The following COLEC10 variants were observed in gnomAD, a reference collection of about 807,000 sequenced individuals.
COLEC10 encodes the protein collectin-10.
COLEC10 carries 22 observed loss-of-function variants against 28.4 expected under a neutral mutation model. The ratio of observed to expected loss-of-function variants is 0.78; its 90% CI spans 0.55 to 1.11. The LOEUF (loss-of-function observed/expected upper bound fraction) is 1.11, where lower values mean the gene tolerates loss of function less well. Ranked by LOEUF, COLEC10 falls within the 50% of genes least tolerant of loss-of-function variation. The pLI, the probability that COLEC10 is intolerant of heterozygous loss-of-function variation, is 0.00. For synonymous variants in COLEC10, 125 were observed against 116.1 expected, an observed-to-expected ratio of 1.08 and a Z score of -0.49; for missense variants, 361 against 344.1, an observed-to-expected ratio of 1.05 and a Z score of -0.39.
At chr8:118,987,489 A>G in the COLEC10 span, among the ~76,000 whole-genome samples, 2 of 152,104 alleles carry the variant, frequency 1.3e-5, no homozygotes, top group African/African-American at 4.8e-5. Context: ...TCTTGAACCC[A>G]GGAGGCTGAG....
In COLEC10 at chr8:119,067,332, A is replaced by G. The variant is rs201061101; in HGVS notation, c.51A>G (p.Val17=). Residue 17 remains valine (V), a synonymous_variant, in exon 1 of 6, where the codon GTA becomes GTG. Transcript: ENST00000332843. Reference sequence around the variant, plus strand: ...GAAGAAACCAATTTATCCTCCTGGTACTATTTCTTTTGCAAATTCAGAGTC... The same window carrying G: ...GAAGAAACCAATTTATCCTCCTGGTGCTATTTCTTTTGCAAATTCAGAGTC... The part of the protein sequence containing the change: ...LLRRNQFILL[V]LFLLQIQSLG... 7 of 1,614,052 alleles carry G rather than the reference A, an allele frequency of 4.3e-6. No homozygotes were observed. The Admixed American group carries it at 1.0e-4, about 23-fold the overall frequency.
the COLEC10 span, chr8:118,976,683 G>A: frequency 6.6e-6 from 1 of 152,162 alleles, no homozygotes; most frequent in Admixed American, 6.6e-5. Context: ...CAGGACATAG[G>A]CATGGGCAAG....
chr8:119,052,654 C>A (rs1814693514), intron 2 of COLEC10, among the ~76,000 whole-genome samples: 1 of 152,116 alleles, frequency 6.6e-6, no homozygotes, highest in Admixed American at 6.6e-5. Context: ...TATTAACAGT[C>A]AAGCAAGCCC....
chr8:119,035,910 C>T (rs6469805), intron 2 of COLEC10, among the ~76,000 whole-genome samples: 91,276 of 151,958 alleles, frequency 0.6, 28,088 homozygotes, highest in African/African-American at 0.74. Context: ...TCAAGTTATG[C>T]TGTTTAAGGT....
chr8:119,081,856 T>A (rs558791498), intron 1 of COLEC10, among the ~76,000 whole-genome samples: 2 of 152,318 alleles, frequency 1.3e-5, no homozygotes, highest in South Asian at 4.1e-4. Flanking sequence ...AAATATGATT[T>A]AATAAAGATT....
intron 1 of COLEC10, among the ~76,000 whole-genome samples, chr8:119,079,159 C>T (rs1405060934): frequency 6.6e-6 from 1 of 152,024 alleles, no homozygotes; most frequent in East Asian, 1.9e-4. Context: ...TCCTCATGGC[C>T]CCTTGGATGC....
chr8:118,987,573 AAAAG>A, the COLEC10 span, among the ~76,000 whole-genome samples: 19 of 152,196 alleles, frequency 1.2e-4, no homozygotes, highest in Admixed American at 1.2e-3. Context: ...CAAAAAATAA[AAAAG>A]AAAGACTGAT....
At chr8:119,010,960 G>C (rs1442302505) in intron 2 of COLEC10, among the ~76,000 whole-genome samples, 2 of 150,856 alleles carry the variant, frequency 1.3e-5, no homozygotes, top group Non-Finnish European at 2.9e-5. Flanking sequence ...CAATTCTCTT[G>C]CTAGTGTCTT....
chr8:119,097,447 G>A (rs1455605228), intron 3 of COLEC10, among the ~76,000 whole-genome samples: 1 of 151,840 alleles, frequency 6.6e-6, no homozygotes, highest in Non-Finnish European at 1.5e-5. Context: ...CACTTTCAAG[G>A]CACAATAATT....
chr8:119,094,416 C>A (rs1815670410), intron 3 of COLEC10, among the ~76,000 whole-genome samples: 1 of 152,144 alleles, frequency 6.6e-6, no homozygotes. Context: ...ATTCAGACTT[C>A]TGCTACAGGC....
chr8:119,097,852 C>CTA (rs1417336796), intron 3 of COLEC10, among the ~76,000 whole-genome samples: 8 of 151,966 alleles, frequency 5.3e-5, no homozygotes, highest in Admixed American at 1.3e-4. Flanking sequence ...TGAATAAGTC[C>CTA]AGAATTGAAG....
intron 2 of COLEC10, among the ~76,000 whole-genome samples, chr8:119,043,253 G>A (rs1380828774): frequency 1.3e-5 from 2 of 152,122 alleles, no homozygotes; most frequent in Admixed American, 6.5e-5. Flanking sequence ...AGTTACATGG[G>A]CTATGTAACT....
intron 2 of COLEC10, among the ~76,000 whole-genome samples, chr8:119,024,424 A>C (rs1005594560): frequency 1.3e-5 from 2 of 152,128 alleles, no homozygotes; most frequent in Non-Finnish European, 2.9e-5. Context: ...GGCATAAGTT[A>C]TGTATATGAC....
chr8:118,976,442 T>G, the COLEC10 span: 8 of 152,252 alleles, frequency 5.3e-5, no homozygotes, highest in East Asian at 1.5e-3. Flanking sequence ...CCAGAGAAAT[T>G]GTAATGTGAC....
At chr8:119,060,763 T>C (rs1431203610) in intron 2 of COLEC10, among the ~76,000 whole-genome samples, 3 of 152,152 alleles carry the variant, frequency 2.0e-5, no homozygotes, top group African/African-American at 4.8e-5. Context: ...CTTTGCCCTA[T>C]AATACAGTAG....
chr8:118,977,353 A>T, the COLEC10 span, among the ~76,000 whole-genome samples: 2 of 149,128 alleles, frequency 1.3e-5, no homozygotes, highest in African/African-American at 4.9e-5. Context: ...ACCAACCCAA[A>T]TGTCCAACAA....
chr8:118,973,140 C>A, the COLEC10 span, among the ~76,000 whole-genome samples: 1 of 151,996 alleles, frequency 6.6e-6, no homozygotes, highest in Admixed American at 6.6e-5. Context: ...CACCAGGTAA[C>A]TGATACTTCT....
At chr8:118,988,819 C>T in the COLEC10 span, among the ~76,000 whole-genome samples, 83 of 152,330 alleles carry the variant, frequency 5.4e-4, no homozygotes, top group Middle Eastern at 3.4e-3. Flanking sequence ...ACACCTATAG[C>T]TACAACAAAT....
At position 119,058,943 on chromosome 8, in the gene COLEC10, T is replaced by C. The variant is rs977596801; in HGVS notation, n.236-30737T>C. On this transcript the variant is annotated intron_variant and non_coding_transcript_variant, in intron 2 of 6. Transcript: ENST00000521788. ...AACAGTATTGTCACATTTATTATTA[T>C]TATTATGGCCAGTCTTACCTATATA... 3.9e-5 allele frequency among the ~76,000 whole-genome samples: 6 copies of C among 152,214 alleles called. No individual in the cohort carries two copies. The East Asian group carries it at 1.2e-3, about 29-fold the overall frequency.
Sources: allele counts gnomAD v4.1 joint callset (sites outside exome capture counted in the v4.1 genomes callset), GRCh38; gene constraint gnomAD v4.1.1; transcripts MANE v1.5; gene names NCBI Gene and HGNC (gene_info 2026-07-23, HGNC 2026-07-21).